The following MRPS31 variants were observed in gnomAD, a reference collection of about 807,000 sequenced individuals.
The protein encoded by MRPS31 is mitochondrial ribosomal protein S31, also known as small ribosomal subunit protein mS31.
In MRPS31, 32 loss-of-function variants were observed where a neutral mutation model predicts 43.1. That is an observed-to-expected ratio of 0.74 (90% CI 0.56 to 1.00). MRPS31 has a LOEUF of 1.00. Among genes scored for constraint, MRPS31 ranks in the 50% least tolerant of loss-of-function variants. MRPS31 has a pLI of 0.00. For missense variants in MRPS31, 437 were observed against 466.7 expected (o/e 0.94, Z 0.59); for synonymous variants, 165 against 161.6 (o/e 1.02, Z -0.16).
chr13:40,739,294 T>C (rs1222606382), intron 6 of MRPS31, among the ~76,000 whole-genome samples: 1 of 152,040 alleles, frequency 6.6e-6, no homozygotes, highest in South Asian at 2.1e-4. Flanking sequence ...AAGGAGGACA[T>C]AAACAAATGG....
At position 40,756,124 on chromosome 13, in the gene MRPS31, TAAAAC is replaced by T. The variant is rs755603556; in HGVS notation, c.740+744_740+748del. 6.4e-4 allele frequency among the ~76,000 whole-genome samples: 98 copies of T among 152,302 alleles called. No individual in the cohort carries two copies. The Middle Eastern group carries it at 0.01, about 16-fold the overall frequency. ...GTTAACTCAAGTTTCTGATTTTACTTAAAACAAATCCATGGAATATACAATGCATT... is the reference window on the plus strand; with the variant it reads ...GTTAACTCAAGTTTCTGATTTTACTTAAATCCATGGAATATACAATGCATT... On this transcript the variant is annotated intron_variant, in intron 4 of 6. Coordinates refer to ENST00000323563, the MANE Select transcript of MRPS31 (RefSeq NM_005830.4).
At chr13:40,767,131 G>A (rs1462456950) in intron 1 of MRPS31, 98 bp from the exon 2 acceptor site, 4 of 981,348 alleles carry the variant, frequency 4.1e-6, no homozygotes, top group Non-Finnish European at 4.3e-6. Flanking sequence ...ATGTATCTAA[G>A]ATTTTTTTTC....
intron 6 of MRPS31, among the ~76,000 whole-genome samples, chr13:40,746,460 T>G (rs1880242473): frequency 6.6e-6 from 1 of 152,144 alleles, no homozygotes; most frequent in South Asian, 2.1e-4. Context: ...CTTTTCCAAC[T>G]CTGAAATATC....
chr13:40,752,632 T>C (rs531606079), intron 5 of MRPS31, among the ~76,000 whole-genome samples: 2 of 152,294 alleles, frequency 1.3e-5, no homozygotes, highest in Admixed American at 6.5e-5. Context: ...TAGCCCCTAA[T>C]AGTCTATTAA....
At chr13:40,766,717 A>C in intron 2 of MRPS31, 29 bp downstream of exon 2, 1 of 1,551,460 alleles carries the variant, frequency 6.4e-7, no homozygotes, top group Non-Finnish European at 8.7e-7. Context: ...TGGAGTTTCA[A>C]ACAACATCTG....
chr13:40,750,536 A>G (rs1880356978), intron 5 of MRPS31, among the ~76,000 whole-genome samples: 1 of 152,000 alleles, frequency 6.6e-6, no homozygotes, highest in Non-Finnish European at 1.5e-5. Context: ...CACAAATTAC[A>G]ACTTAATAAA....
In MRPS31 at chr13:40,755,290, G is replaced by A. The variant is rs146013757; in HGVS notation, c.741-1198C>T. Among the ~76,000 whole-genome samples, 873 of 152,232 alleles carry A rather than the reference G, an allele frequency of 5.7e-3. 7 individuals are homozygous for A. The highest frequency in any genetic ancestry group is 8.2e-3 in the Non-Finnish European group (560 of 68,022). Reference sequence around the variant, plus strand: ...TTGCATTCTTCTCCCTCAACCGCACGTCTGATAAACAGGATGGTGGATTAA... The same window carrying A: ...TTGCATTCTTCTCCCTCAACCGCACATCTGATAAACAGGATGGTGGATTAA... On this transcript the variant is annotated intron_variant, in intron 4 of 6. Transcript: ENST00000323563.
At chr13:40,766,444 C>A (rs1880849111) in intron 2 of MRPS31, among the ~76,000 whole-genome samples, 2 of 152,142 alleles carry the variant, frequency 1.3e-5, no homozygotes, top group African/African-American at 4.8e-5. Flanking sequence ...CAAGCACGCA[C>A]CACCATGCCC....
At chr13:40,743,547 G>A (rs1446993727) in intron 6 of MRPS31, among the ~76,000 whole-genome samples, 1 of 152,132 alleles carries the variant, frequency 6.6e-6, no homozygotes, top group Non-Finnish European at 1.5e-5. Context: ...CAAAGGAGAT[G>A]AACAGACACT....
At chr13:40,765,453 C>T (rs1219967628) in intron 2 of MRPS31, among the ~76,000 whole-genome samples, 1 of 152,126 alleles carries the variant, frequency 6.6e-6, no homozygotes, top group Non-Finnish European at 1.5e-5. Context: ...TAATAAAGAG[C>T]ATGATGGATC....
At chr13:40,756,051 C>A (rs910420247) in intron 4 of MRPS31, among the ~76,000 whole-genome samples, 21 of 152,294 alleles carry the variant, frequency 1.4e-4, no homozygotes, top group Non-Finnish European at 2.5e-4. Context: ...CTGCTGACCA[C>A]CTTTTCCAAC....
chr13:40,732,586 T>C (rs1192861111), intron 6 of MRPS31, among the ~76,000 whole-genome samples: 1 of 152,004 alleles, frequency 6.6e-6, no homozygotes, highest in Non-Finnish European at 1.5e-5. Context: ...ATTTGAAAAT[T>C]AGCCAGGTGT....
chr13:40,770,939 G>T (rs1274839206), intron 1 of MRPS31, 46 bp downstream of exon 1: 1 of 1,612,812 alleles, frequency 6.2e-7, no homozygotes, highest in Non-Finnish European at 8.5e-7. Context: ...ACCCCAGGAA[G>T]TCGGAGGATG....
intron 6 of MRPS31, among the ~76,000 whole-genome samples, chr13:40,743,457 T>C (rs79304257): frequency 0.045 from 6,848 of 151,944 alleles, 317 homozygotes; most frequent in East Asian, 0.14. Context: ...ATGTATCCAA[T>C]AAAGGTCTAA....
At chr13:40,760,282 AGT>A (rs1880659526) in intron 2 of MRPS31, among the ~76,000 whole-genome samples, 1 of 152,040 alleles carries the variant, frequency 6.6e-6, no homozygotes, top group South Asian at 2.1e-4. Flanking sequence ...TGAAAAATGT[AGT>A]GTTTTGCTAA....
intron 4 of MRPS31, 28 bp from the exon 5 acceptor site, chr13:40,754,120 T>G: frequency 8.1e-7 from 1 of 1,233,502 alleles, no homozygotes. Context: ...AAATAACATT[T>G]TAATGAATAT....
chr13:40,759,835 A>G (rs932444974), intron 2 of MRPS31, among the ~76,000 whole-genome samples: 1 of 152,204 alleles, frequency 6.6e-6, no homozygotes, highest in African/African-American at 2.4e-5. Context: ...CTTTACTGGA[A>G]CCAACCTAAA....
chr13:40,748,388 C>G (rs1880298701), intron 6 of MRPS31, among the ~76,000 whole-genome samples: 1 of 152,238 alleles, frequency 6.6e-6, no homozygotes, highest in Non-Finnish European at 1.5e-5. Context: ...AACTCCTGAA[C>G]TCAGGCGATC....
At chr13:40,745,440 T>TG (rs2138002514) in intron 6 of MRPS31, among the ~76,000 whole-genome samples, 1 of 152,020 alleles carries the variant, frequency 6.6e-6, no homozygotes, top group East Asian at 1.9e-4. Context: ...TTAGTAGAGA[T>TG]GGGGTTTCAC....
Sources: gnomAD v4.1 joint callset for allele counts (sites outside exome capture counted in the v4.1 genomes callset) on GRCh38, gnomAD v4.1.1 for gene constraint, MANE v1.5 for transcripts, NCBI Gene and HGNC (gene_info 2026-07-23, HGNC 2026-07-21) for gene names.